Variants in STAU2 observed in about 807,000 individuals in gnomAD.
The protein encoded by STAU2 is staufen double-stranded RNA binding protein 2, also known as double-stranded RNA-binding protein Staufen homolog 2.
STAU2 carries 20 observed loss-of-function variants against 65.9 expected under a neutral mutation model. That is an observed-to-expected ratio of 0.30 (90% CI 0.21 to 0.44). STAU2 has a LOEUF of 0.44. STAU2 is among the 20% of genes least tolerant of loss of function. The pLI, the probability that STAU2 is intolerant of heterozygous loss-of-function variation, is 1.00. For missense variants in STAU2, 558 were observed against 683.9 expected (o/e 0.82, Z 2.05); for synonymous variants, 232 against 233.9 (o/e 0.99, Z 0.07).
chr8:73,433,535 C>T, intron 13 of STAU2, among the ~76,000 whole-genome samples: 2 of 142,882 alleles, frequency 1.4e-5, no homozygotes, highest in Non-Finnish European at 3.0e-5. Context: ...GAGTCTGGCT[C>T]TGTTGCCCAG....
At chr8:73,686,222 G>A (rs567853954) in intron 5 of STAU2, among the ~76,000 whole-genome samples, 3 of 152,174 alleles carry the variant, frequency 2.0e-5, no homozygotes, top group Non-Finnish European at 4.4e-5. Flanking sequence ...AGACCATCCT[G>A]GCTAACATGG....
rs558236178 is a variant in STAU2, at chr8:73,742,869, C to T, written c.-196-3001G>A. ...AAGCTGCACAGAAATCTATATAATC[C>T]CCAATAATTAAACTGCTTTATAAAA... On this transcript the variant is annotated intron_variant, in intron 1 of 14. Transcript: ENST00000524300. 6.6e-5 allele frequency among the ~76,000 whole-genome samples: 10 copies of T among 152,050 alleles called. 1 individual carries two copies. The South Asian group carries it at 1.9e-3, about 28-fold the overall frequency.
At chr8:73,525,884 A>T (rs1218302449) in intron 13 of STAU2, among the ~76,000 whole-genome samples, 2 of 152,242 alleles carry the variant, frequency 1.3e-5, no homozygotes, top group Admixed American at 1.3e-4. Context: ...CATGAGAGCA[A>T]GAACCATGTC....
chr8:73,452,512 A>G (rs1417998738), intron 13 of STAU2, among the ~76,000 whole-genome samples: 4 of 152,098 alleles, frequency 2.6e-5, no homozygotes, highest in African/African-American at 7.2e-5. Flanking sequence ...CCCTGTAACA[A>G]TATCTTTAAA....
intron 13 of STAU2, among the ~76,000 whole-genome samples, chr8:73,484,541 G>A (rs1215222920): frequency 2.6e-5 from 4 of 152,098 alleles, no homozygotes; most frequent in African/African-American, 9.7e-5. Context: ...ACTATATAGT[G>A]AGGGTTAAAT....
intron 2 of STAU2, among the ~76,000 whole-genome samples, chr8:73,739,536 A>T (rs867048421): frequency 3.3e-5 from 5 of 152,162 alleles, no homozygotes; most frequent in Admixed American, 3.3e-4. Context: ...ACACACACCC[A>T]TATTTGGCTA....
At chr8:73,509,432 T>C (rs539171816) in intron 13 of STAU2, among the ~76,000 whole-genome samples, 88 of 152,316 alleles carry the variant, frequency 5.8e-4, no homozygotes, top group African/African-American at 1.9e-3. Context: ...TTTCCTCTAA[T>C]CTGTGGCTTT....
rs113645493 is a variant in STAU2 at position 73,510,760 on chromosome 8, T to C, written c.1530+41252A>G. On this transcript the variant is annotated intron_variant, in intron 13 of 14. Transcript: ENST00000524300. ...ATCTCCTGAGAACTCACTCACATCA[T>C]GAGAACAGGATGGGGGAAACTGCCC... Among the ~76,000 whole-genome samples the C allele has an allele frequency of 7.4e-3, 1,126 of 152,296 alleles. 11 individuals carry two copies. Among genetic ancestry groups the C allele is most frequent in the African/African-American group, 0.026 (1,064 of 41,558 alleles).
At chr8:73,602,594 T>C (rs1442198910) in intron 10 of STAU2, among the ~76,000 whole-genome samples, 7 of 152,032 alleles carry the variant, frequency 4.6e-5, no homozygotes, top group African/African-American at 1.2e-4. Flanking sequence ...TGGTAGTGTA[T>C]GCGTGTAATC....
At chr8:73,647,975 T>C (rs1158794242) in intron 6 of STAU2, among the ~76,000 whole-genome samples, 1 of 152,228 alleles carries the variant, frequency 6.6e-6, no homozygotes, top group Non-Finnish European at 1.5e-5. Flanking sequence ...AATGTCAGTA[T>C]ACTGGTTTGA....
At chr8:73,569,744 G>A (rs1383055923) in intron 12 of STAU2, among the ~76,000 whole-genome samples, 2 of 152,122 alleles carry the variant, frequency 1.3e-5, no homozygotes, top group East Asian at 3.8e-4. Flanking sequence ...TGCAGCTAAG[G>A]GTCCTGACTG....
intron 13 of STAU2, chr8:73,549,983 T>C: frequency 3.0e-6 from 3 of 985,768 alleles, no homozygotes; most frequent in Non-Finnish European, 3.6e-6. Flanking sequence ...CTTTAAAACT[T>C]TTAACCACAA....
At chr8:73,586,645 G>GCAAAAAAAAAAAAAAAAAAAAAAAA (rs1810399106) in intron 11 of STAU2, among the ~76,000 whole-genome samples, 1 of 32,086 alleles carries the variant, frequency 3.1e-5, no homozygotes, top group Admixed American at 2.8e-4. Flanking sequence ...GAAAAAAAAT[G>GCAAAAAAAAAAAAAAAAAAAAAAAA]CAAAAAAAAA....
At chr8:73,476,705 T>G (rs955517353) in intron 13 of STAU2, among the ~76,000 whole-genome samples, 2 of 152,320 alleles carry the variant, frequency 1.3e-5, no homozygotes, top group Middle Eastern at 3.4e-3. Flanking sequence ...TCTTACCGCA[T>G]TCTCATCCTA....
intron 3 of STAU2, among the ~76,000 whole-genome samples, chr8:73,723,121 C>A (rs1156856953): frequency 6.6e-6 from 1 of 152,006 alleles, no homozygotes; most frequent in Non-Finnish European, 1.5e-5. Flanking sequence ...CACACACACA[C>A]ACACATACAC....
chr8:73,478,465 A>G (rs916750773), intron 13 of STAU2, among the ~76,000 whole-genome samples: 6 of 151,446 alleles, frequency 4.0e-5, no homozygotes, highest in African/African-American at 9.7e-5. Flanking sequence ...CCTGACGCAG[A>G]GTAGATGCTC....
intron 13 of STAU2, among the ~76,000 whole-genome samples, chr8:73,448,861 T>TC (rs1439574729): frequency 6.6e-6 from 1 of 152,244 alleles, no homozygotes; most frequent in African/African-American, 2.4e-5. Flanking sequence ...GGACAGCCGG[T>TC]CCCTGCCGTG....
At chr8:73,430,954 G>A (rs1429806175) in intron 13 of STAU2, among the ~76,000 whole-genome samples, 1 of 152,152 alleles carries the variant, frequency 6.6e-6, no homozygotes, top group Admixed American at 6.6e-5. Context: ...TTACTGAGTG[G>A]GTAAATTGAT....
chr8:73,641,589 T>C (rs1426632765), intron 6 of STAU2, among the ~76,000 whole-genome samples: 2 of 152,188 alleles, frequency 1.3e-5, no homozygotes, highest in South Asian at 4.1e-4. Flanking sequence ...ACAGGATCTA[T>C]GGCCAATTGA....
Sources: gnomAD v4.1 joint callset for allele counts (sites outside exome capture counted in the v4.1 genomes callset) on GRCh38, gnomAD v4.1.1 for gene constraint, MANE v1.5 for transcripts, NCBI Gene and HGNC (gene_info 2026-07-23, HGNC 2026-07-21) for gene names.